DOK5: variants seen among roughly 807,000 people sequenced by gnomAD.
The protein encoded by DOK5 is docking protein 5.
In DOK5, 27 loss-of-function variants were observed where a neutral mutation model predicts 43.3. That is an observed-to-expected ratio of 0.62 (90% CI 0.46 to 0.86). The LOEUF is 0.86. Ranked by LOEUF, DOK5 falls within the 40% of genes least tolerant of loss-of-function variation. The pLI is 0.00. For missense variants in DOK5, 373 were observed against 392.9 expected, an observed-to-expected ratio of 0.95 and a Z score of 0.43; for synonymous variants, 146 against 140.1, an observed-to-expected ratio of 1.04 and a Z score of -0.30.
intron 2 of DOK5, among the ~76,000 whole-genome samples, chr20:54,558,343 TG>T (rs1285372189): frequency 6.6e-6 from 1 of 152,190 alleles, no homozygotes; most frequent in Non-Finnish European, 1.5e-5. Flanking sequence ...TGTAAATCTT[TG>T]GGGAAATTGG....
At chr20:54,519,331 T>C (rs1262550262) in intron 1 of DOK5, among the ~76,000 whole-genome samples, 2 of 152,220 alleles carry the variant, frequency 1.3e-5, no homozygotes, top group Non-Finnish European at 2.9e-5. Flanking sequence ...ATCTGTTCCA[T>C]AGTAAATGCT....
chr20:54,489,865 G>T (rs1051208514), intron 1 of DOK5, among the ~76,000 whole-genome samples: 1 of 152,162 alleles, frequency 6.6e-6, no homozygotes, highest in Non-Finnish European at 1.5e-5. Flanking sequence ...GGGACTTATT[G>T]TTCCAAGGGT....
chr20:54,529,245 A>C (rs191878972), intron 1 of DOK5, among the ~76,000 whole-genome samples: 1 of 152,188 alleles, frequency 6.6e-6, no homozygotes, highest in African/African-American at 2.4e-5. Flanking sequence ...AAATATATGG[A>C]ATGCTTTCTT....
intron 1 of DOK5, among the ~76,000 whole-genome samples, chr20:54,505,255 G>C (rs1982761930): frequency 6.6e-6 from 1 of 151,988 alleles, no homozygotes; most frequent in Admixed American, 6.6e-5. Flanking sequence ...CCTCTCTCCT[G>C]CTTGTTTTTG....
intron 1 of DOK5, among the ~76,000 whole-genome samples, chr20:54,482,522 G>A (rs1157165187): frequency 1.3e-5 from 2 of 152,098 alleles, no homozygotes; most frequent in African/African-American, 4.8e-5. Context: ...TTGAGATGGA[G>A]TCTCGCTCTG....
At chr20:54,620,664 T>G (rs1986949145) in intron 6 of DOK5, among the ~76,000 whole-genome samples, 1 of 152,228 alleles carries the variant, frequency 6.6e-6, no homozygotes, top group Non-Finnish European at 1.5e-5. Flanking sequence ...TTTATTGAAA[T>G]TAAATCCACA....
chr20:54,536,413 C>G (rs1983965077), intron 1 of DOK5, among the ~76,000 whole-genome samples: 1 of 152,210 alleles, frequency 6.6e-6, no homozygotes, highest in South Asian at 2.1e-4. Flanking sequence ...TATTTACAGG[C>G]TTCCACTTTT....
intron 6 of DOK5, among the ~76,000 whole-genome samples, chr20:54,619,664 T>C (rs1178305219): frequency 2.6e-5 from 4 of 152,202 alleles, no homozygotes; most frequent in African/African-American, 9.7e-5. Context: ...GAACTTTTTT[T>C]TGTCACTTCT....
chr20:54,498,220 T>C (rs1028651978), intron 1 of DOK5, among the ~76,000 whole-genome samples: 1 of 152,216 alleles, frequency 6.6e-6, no homozygotes, highest in South Asian at 2.1e-4. Context: ...AGCATAATTA[T>C]TGTGTCATTG....
At chr20:54,616,982 G>T (rs1269638414) in intron 6 of DOK5, among the ~76,000 whole-genome samples, 1 of 151,890 alleles carries the variant, frequency 6.6e-6, no homozygotes, top group Non-Finnish European at 1.5e-5. Flanking sequence ...AGTGGAGACG[G>T]GGTTTCACCT....
At chr20:54,638,454 G>T (rs1286043189) in intron 6 of DOK5, among the ~76,000 whole-genome samples, 1 of 152,154 alleles carries the variant, frequency 6.6e-6, no homozygotes, top group Non-Finnish European at 1.5e-5. Context: ...GAAGGGAAGG[G>T]TGTCAAGATC....
intron 5 of DOK5, among the ~76,000 whole-genome samples, chr20:54,604,408 C>A (rs1282144952): frequency 6.6e-6 from 1 of 151,718 alleles, no homozygotes; most frequent in Non-Finnish European, 1.5e-5. Flanking sequence ...AACGCTGACA[C>A]CCACCCCTCT....
intron 7 of DOK5, among the ~76,000 whole-genome samples, chr20:54,644,868 C>CAAA (rs3044097): frequency 0.027 from 4,005 of 146,070 alleles, 162 homozygotes; most frequent in African/African-American, 0.089. Context: ...AACTCCATCT[C>CAAA]AAAAAAAAAA....
chr20:54,562,240 T>A (rs1026196991), intron 2 of DOK5, among the ~76,000 whole-genome samples: 1 of 152,198 alleles, frequency 6.6e-6, no homozygotes, highest in Non-Finnish European at 1.5e-5. Flanking sequence ...AAATGATTCT[T>A]GGCCTACTTA....
At chr20:54,481,458 C>T (rs1311345925) in intron 1 of DOK5, among the ~76,000 whole-genome samples, 5 of 152,204 alleles carry the variant, frequency 3.3e-5, no homozygotes, top group Non-Finnish European at 5.9e-5. Flanking sequence ...CGTGAGCCAC[C>T]GTGCCCGGCC....
chr20:54,531,191 A>G (rs1270476273), intron 1 of DOK5, among the ~76,000 whole-genome samples: 1 of 152,204 alleles, frequency 6.6e-6, no homozygotes, highest in Admixed American at 6.5e-5. Flanking sequence ...TATATTCTGA[A>G]CGTTTGTTAG....
At chr20:54,501,743 T>C (rs1982617543) in intron 1 of DOK5, among the ~76,000 whole-genome samples, 1 of 152,192 alleles carries the variant, frequency 6.6e-6, no homozygotes, top group African/African-American at 2.4e-5. Context: ...GGTATTTCAT[T>C]GTAACCAAAG....
rs900827704 is a variant in DOK5, at chr20:54,559,073, T to C, written c.174+4033T>C. On this transcript the variant is annotated intron_variant, in intron 2 of 7. Coordinates refer to ENST00000262593, the MANE Select transcript of DOK5 (RefSeq NM_018431.5). Reference sequence around the variant, plus strand: ...TGATTAACTGTAATTCCCACAATAGTAAGACTCCAGTGACTTTAAATATAG... The same window carrying C: ...TGATTAACTGTAATTCCCACAATAGCAAGACTCCAGTGACTTTAAATATAG... Among the ~76,000 whole-genome samples the C allele has an allele frequency of 3.3e-5, 5 of 152,228 alleles. No homozygotes were observed. The East Asian group carries it at 7.7e-4, about 23-fold the overall frequency.
At chr20:54,643,361 TCTGTGGTTCTTTTACTCCATGCTCTC>T in intron 6 of DOK5, 71 bp from the exon 7 acceptor site, 2 of 1,504,666 alleles carry the variant, frequency 1.3e-6, no homozygotes, top group South Asian at 2.5e-5. Flanking sequence ...CCTGGCCAGC[TCTGTGGTTCTTTTACTCCATGCTCTC>T]CTGTTTCCTC....
Sources: gnomAD v4.1 joint callset for allele counts (sites outside exome capture counted in the v4.1 genomes callset) on GRCh38, gnomAD v4.1.1 for gene constraint, MANE v1.5 for transcripts, NCBI Gene and HGNC (gene_info 2026-07-23, HGNC 2026-07-21) for gene names.